ADCY3: variants seen among roughly 807,000 people sequenced by gnomAD.
ADCY3 encodes the protein adenylate cyclase 3.
In ADCY3, 70 loss-of-function variants were observed where a neutral mutation model predicts 119.4. The ratio of observed to expected loss-of-function variants is 0.59; its 90% CI spans 0.48 to 0.72. The LOEUF is 0.72. ADCY3 is among the 30% of genes least tolerant of loss of function. The pLI is 0.00. For missense variants in ADCY3, 1,238 were observed against 1,541.6 expected (o/e 0.80, Z 3.30); for synonymous variants, 672 against 621.4 (o/e 1.08, Z -1.21).
In ADCY3 at chr2:24,919,056, C is replaced by A; in HGVS notation, c.-69G>T. 6.9e-7 allele frequency: 1 copy of A among 1,452,160 alleles called. No homozygotes were observed. Among genetic ancestry groups the A allele is most frequent in the Non-Finnish European group, 9.1e-7 (1 of 1,095,872 alleles). The allele number at this position is 1,452,160 out of a possible 1,614,324, so 90.0% of individuals were successfully genotyped here. ...ACGGAGGAAGAGCTCTGGACTGGGC[C>A]TCCTCTCAGGGCTCTCTGAGACCGG... On this transcript the variant is annotated 5_prime_UTR_variant, in exon 2 of 22. It adds an upstream start codon to the 5' untranslated region. Transcript: ENST00000679454. This position sits in a 1 kb window ranked among gnomAD's most constrained non-coding sequence, Gnocchi z 5.5.
chr2:24,824,560 C>CA (rs1168705797), intron 16 of ADCY3, 24 bp from the exon 17 acceptor site: 2 of 1,612,636 alleles, frequency 1.2e-6, no homozygotes, highest in Admixed American at 1.7e-5. Flanking sequence ...CAAGGCGAGG[C>CA]ATGTGCTCTA....
At chr2:24,854,557 G>A (rs1200899737) in intron 3 of ADCY3, among the ~76,000 whole-genome samples, 1 of 152,198 alleles carries the variant, frequency 6.6e-6, no homozygotes, top group East Asian at 1.9e-4. Flanking sequence ...GCGTGTCACT[G>A]GGACAAGTGG....
rs756038247 is a variant in ADCY3, at chr2:24,839,814, G to A, written c.1355+59C>T. ...CCTCATCAGGGTCACAGCCCTGGGG[G>A]ATGGAGGGGACGGTCCCCTCCCCAG... is the stretch of plus-strand genomic sequence containing the variant. On this transcript the variant is annotated intron_variant, in intron 7 of 21. Coordinates refer to ENST00000679454, the MANE Select transcript of ADCY3 (RefSeq NM_004036.5). 57 of 1,608,492 alleles carry A rather than the reference G, an allele frequency of 3.5e-5. No homozygotes were observed. The Middle Eastern group carries it at 5.0e-4, about 14-fold the overall frequency.
At chr2:24,912,593 GTGTGTGTGTGCA>G (rs772100007) in intron 2 of ADCY3, among the ~76,000 whole-genome samples, 791 of 42,998 alleles carry the variant, frequency 0.018, 25 homozygotes, top group African/African-American at 0.16. Context: ...GTGCATGTGT[GTGTGTGTGTGCA>G]TGTGTGTGTG....
chr2:24,907,280 C>T (rs1334151473), intron 2 of ADCY3, among the ~76,000 whole-genome samples: 2 of 151,350 alleles, frequency 1.3e-5, no homozygotes, highest in Admixed American at 6.6e-5. Context: ...CTGACTCAGC[C>T]GACACCAAAC....
intron 3 of ADCY3, among the ~76,000 whole-genome samples, chr2:24,870,747 T>TGGGTGATAGAAAGCAGGCCTCATGGCCCC (rs1674889683): frequency 6.6e-6 from 1 of 152,194 alleles, no homozygotes; most frequent in Non-Finnish European, 1.5e-5. Context: ...CATATGGCCC[T>TGGGTGATAGAAAGCAGGCCTCATGGCCCC]GGGTGTTAGA....
chr2:24,856,742 C>G (rs1673044998), intron 3 of ADCY3, among the ~76,000 whole-genome samples: 4 of 152,334 alleles, frequency 2.6e-5, no homozygotes, highest in Admixed American at 2.6e-4. Flanking sequence ...GAAGGACAGT[C>G]ACTGGTCATC....
At chr2:24,856,194 T>C (rs1427308138) in intron 3 of ADCY3, among the ~76,000 whole-genome samples, 1 of 152,180 alleles carries the variant, frequency 6.6e-6, no homozygotes, top group Non-Finnish European at 1.5e-5. Context: ...TGTGTGTGTG[T>C]GTCCATGCGT....
chr2:24,907,351 T>G (rs1320733817), intron 2 of ADCY3, among the ~76,000 whole-genome samples: 3 of 152,132 alleles, frequency 2.0e-5, no homozygotes, highest in African/African-American at 7.2e-5. Flanking sequence ...GACATGGAAA[T>G]CTTGCGAAAG....
At chr2:24,903,001 G>C (rs1317843671) in intron 2 of ADCY3, among the ~76,000 whole-genome samples, 1 of 152,030 alleles carries the variant, frequency 6.6e-6, no homozygotes, top group Non-Finnish European at 1.5e-5. Flanking sequence ...ATAAAAATTA[G>C]CTTGGTGTGG....
rs146381916 is a variant in ADCY3 at position 24,881,979 on chromosome 2, G to A, written c.676-9260C>T. ...AACGGAGCCAACGTCAAGAAACCCT[G>A]GCCTGGAACAACGCCTTCTTCCTTT... On this transcript the variant is annotated intron_variant, in intron 2 of 21. Transcript: ENST00000679454. Among the ~76,000 whole-genome samples the A allele has an allele frequency of 7.5e-3, 1,148 of 152,324 alleles. 11 individuals carry two copies. The highest frequency in any genetic ancestry group is 0.026 in the African/African-American group (1,078 of 41,556).
In ADCY3 at chr2:24,834,733, T is replaced by A; in HGVS notation, c.1805+61A>T. ...GCCGTATTTGGGATGCTCAGTTTCC[T>A]GAATCCCTTGTCAGGGCCCGGGAGG... On this transcript the variant is annotated intron_variant, in intron 10 of 21. Coordinates refer to ENST00000679454, the MANE Select transcript of ADCY3 (RefSeq NM_004036.5). The surrounding 1 kb of genome is among the most constrained non-coding windows in gnomAD (Gnocchi z 4.2). The A allele has an allele frequency of 1.2e-6, 2 of 1,602,002 alleles. No individual in the cohort carries two copies. Among genetic ancestry groups the A allele is most frequent in the Non-Finnish European group, 1.7e-6 (2 of 1,170,592 alleles).
chr2:24,846,015 T>C (rs1441863077), intron 3 of ADCY3, among the ~76,000 whole-genome samples: 1 of 152,222 alleles, frequency 6.6e-6, no homozygotes, highest in Non-Finnish European at 1.5e-5. Context: ...GAATTGAGGA[T>C]TGGGGAACCT....
chr2:24,916,614 G>A (rs1232363309), intron 2 of ADCY3, among the ~76,000 whole-genome samples: 3 of 152,136 alleles, frequency 2.0e-5, no homozygotes, highest in East Asian at 1.9e-4. Context: ...CCTGGGAGGC[G>A]GAGGTTGCAG....
intron 19 of ADCY3, chr2:24,821,940 A>G: frequency 3.0e-6 from 1 of 335,846 alleles, no homozygotes; most frequent in South Asian, 4.3e-5. Flanking sequence ...AGGTTTTGTC[A>G]GGTTGTCCTT....
chr2:24,867,884 G>C (rs541026878), intron 3 of ADCY3, among the ~76,000 whole-genome samples: 3 of 152,334 alleles, frequency 2.0e-5, no homozygotes, highest in African/African-American at 7.2e-5. Flanking sequence ...CTAATAAGCA[G>C]AAAGTGGGGG....
At chr2:24,892,502 C>T (rs552642160) in intron 2 of ADCY3, among the ~76,000 whole-genome samples, 37 of 152,296 alleles carry the variant, frequency 2.4e-4, no homozygotes, top group African/African-American at 8.2e-4. Context: ...CCACCCGCCT[C>T]GGCCTCCCAA....
intron 3 of ADCY3, among the ~76,000 whole-genome samples, chr2:24,869,171 A>G (rs998776895): frequency 2.0e-5 from 3 of 152,252 alleles, no homozygotes; most frequent in African/African-American, 7.2e-5. Context: ...CAGTAATGAA[A>G]AAAAGGAACA....
chr2:24,902,570 A>G (rs1488182210), intron 2 of ADCY3, among the ~76,000 whole-genome samples: 2 of 152,054 alleles, frequency 1.3e-5, no homozygotes, highest in African/African-American at 4.8e-5. Context: ...TGGCCCTTGA[A>G]CAACAGGGTT....
Sources: allele counts gnomAD v4.1 joint callset (sites outside exome capture counted in the v4.1 genomes callset), GRCh38; gene constraint gnomAD v4.1.1; non-coding constraint Gnocchi (gnomAD v3.1); transcripts MANE v1.5; gene names NCBI Gene and HGNC (gene_info 2026-07-23, HGNC 2026-07-21).